The following ATP6V1E1 variants were observed in gnomAD, a reference collection of about 807,000 sequenced individuals.
ATP6V1E1 encodes V-type proton ATPase subunit E 1.
In ATP6V1E1, 21 loss-of-function variants were observed where a neutral mutation model predicts 35.2. The ratio of observed to expected loss-of-function variants is 0.60; its 90% CI spans 0.42 to 0.86. ATP6V1E1 has a LOEUF of 0.86. ATP6V1E1 is among the 40% of genes least tolerant of loss of function. The pLI, the probability that ATP6V1E1 is intolerant of heterozygous loss-of-function variation, is 0.00. For synonymous variants in ATP6V1E1, 83 were observed against 87.8 expected, an observed-to-expected ratio of 0.95 and a Z score of 0.30; for missense variants, 183 against 272.6, an observed-to-expected ratio of 0.67 and a Z score of 2.32.
At chr22:17,595,895 C>T (rs532307696) in intron 7 of ATP6V1E1, among the ~76,000 whole-genome samples, 145 of 152,054 alleles carry the variant, frequency 9.5e-4, no homozygotes, top group Middle Eastern at 6.8e-3. Context: ...CTTTGAGAGG[C>T]CGAGGTGGGC....
At position 17,594,636 on chromosome 22, in the gene ATP6V1E1, G is replaced by C; in HGVS notation, c.531-20C>G. On this transcript the variant is annotated intron_variant, in intron 7 of 8. Transcript: ENST00000253413. ...CCAGCTCTGCAAAAAAAAAAGCACA[G>C]GAAATAATCATTTTCAAAGACTTGA... 1 of 1,522,436 alleles carries C rather than the reference G, an allele frequency of 6.6e-7. No homozygotes were observed. Among genetic ancestry groups the C allele is most frequent in the Non-Finnish European group, 8.9e-7 (1 of 1,128,208 alleles). The allele number at this position is 1,522,436 out of a possible 1,614,324, so 94.3% of individuals were successfully genotyped here. A position where few individuals can be genotyped will look rare whatever the true frequency, so the allele number is the denominator to read the frequency against.
At chr22:17,627,081 C>G (rs569501804) in intron 1 of ATP6V1E1, among the ~76,000 whole-genome samples, 1 of 152,232 alleles carries the variant, frequency 6.6e-6, no homozygotes, top group Admixed American at 6.5e-5. Flanking sequence ...CCTCCGCCTG[C>G]CGGGTTCAAG....
At chr22:17,610,486 ATAT>A (rs1401378554) in intron 4 of ATP6V1E1, among the ~76,000 whole-genome samples, 1 of 150,848 alleles carries the variant, frequency 6.6e-6, no homozygotes, top group African/African-American at 2.5e-5. Context: ...TCCACTCTTA[ATAT>A]TATTAACCTT....
chr22:17,609,993 T>C (rs999540630), intron 4 of ATP6V1E1, among the ~76,000 whole-genome samples: 1 of 152,140 alleles, frequency 6.6e-6, no homozygotes, highest in African/African-American at 2.4e-5. Context: ...AGGCCAGGCA[T>C]GGTGGCTCTT....
chr22:17,620,154 T>G (rs893354180), intron 1 of ATP6V1E1, among the ~76,000 whole-genome samples: 14 of 151,220 alleles, frequency 9.3e-5, no homozygotes, highest in Non-Finnish European at 1.8e-4. Context: ...CCCTTTGTTT[T>G]TTTTTTTTTT....
At position 17,594,636 on chromosome 22, in the gene ATP6V1E1, G is replaced by A; in HGVS notation, c.531-20C>T. ...CCAGCTCTGCAAAAAAAAAAGCACA[G>A]GAAATAATCATTTTCAAAGACTTGA... On this transcript the variant is annotated intron_variant, in intron 7 of 8. Transcript: ENST00000253413. 2 of 1,522,436 alleles carry A rather than the reference G, an allele frequency of 1.3e-6. No homozygotes were observed. The highest frequency in any genetic ancestry group is 1.8e-6 in the Non-Finnish European group (2 of 1,128,208). The allele number at this position is 1,522,436 out of a possible 1,614,324, so 94.3% of individuals were successfully genotyped here.
intron 1 of ATP6V1E1, among the ~76,000 whole-genome samples, chr22:17,624,155 A>G (rs2057891964): frequency 6.6e-6 from 1 of 152,202 alleles, no homozygotes. Flanking sequence ...TGCTTCATCT[A>G]TTTACTTATG....
At chr22:17,620,670 C>G (rs2057871714) in intron 1 of ATP6V1E1, among the ~76,000 whole-genome samples, 1 of 152,152 alleles carries the variant, frequency 6.6e-6, no homozygotes, top group South Asian at 2.1e-4. Context: ...TCACTTTGAG[C>G]TCTCTCTCAG....
Position 17,592,595 on chromosome 22 carries a change from G to T in ATP6V1E1, c.*79C>A. The T allele has an allele frequency of 7.1e-7, 1 of 1,414,172 alleles. No homozygotes were observed. 87.6% of individuals were successfully genotyped at this position (1,414,172 alleles called of 1,614,324 possible). On this transcript the variant is annotated 3_prime_UTR_variant, in exon 9 of 9. Coordinates refer to ENST00000253413, the MANE Select transcript of ATP6V1E1 (RefSeq NM_001696.4). ...GGGGCAGTGAAGAGGAAGCTACAGA[G>T]ACATTCGTGTTTCTTCAAATATCAG...
chr22:17,621,393 T>G (rs995098884), intron 1 of ATP6V1E1, among the ~76,000 whole-genome samples: 4 of 152,162 alleles, frequency 2.6e-5, no homozygotes, highest in African/African-American at 9.7e-5. Flanking sequence ...CATTTTGACC[T>G]CCGCCTTCTA....
At chr22:17,615,723 C>T (rs1212906821) in intron 2 of ATP6V1E1, among the ~76,000 whole-genome samples, 1 of 151,942 alleles carries the variant, frequency 6.6e-6, no homozygotes, top group Admixed American at 6.6e-5. Flanking sequence ...CATGGTGAAA[C>T]CCCATCTCTA....
chr22:17,610,117 T>C (rs2057808166), intron 4 of ATP6V1E1, among the ~76,000 whole-genome samples: 1 of 134,282 alleles, frequency 7.4e-6, no homozygotes, highest in South Asian at 2.2e-4. Flanking sequence ...AGCCAGACCA[T>C]GCCTCTTAAA....
intron 2 of ATP6V1E1, among the ~76,000 whole-genome samples, chr22:17,616,045 A>G (rs148491327): frequency 0.096 from 14,198 of 148,056 alleles, 731 homozygotes; most frequent in Middle Eastern, 0.13. Flanking sequence ...AAACAAACAA[A>G]CAAACAAACA....
At chr22:17,622,198 T>A (rs2146317145) in intron 1 of ATP6V1E1, among the ~76,000 whole-genome samples, 2 of 152,318 alleles carry the variant, frequency 1.3e-5, no homozygotes, top group Middle Eastern at 3.4e-3. Context: ...ATTAATTCAT[T>A]TTGTTTATTA....
intron 4 of ATP6V1E1, among the ~76,000 whole-genome samples, chr22:17,606,444 C>T (rs2057787345): frequency 6.6e-6 from 1 of 152,054 alleles, no homozygotes; most frequent in African/African-American, 2.4e-5. Flanking sequence ...CTCTTATTTA[C>T]AGGGTTCAAT....
chr22:17,608,948 C>T (rs1168761522), intron 4 of ATP6V1E1, among the ~76,000 whole-genome samples: 1 of 151,750 alleles, frequency 6.6e-6, no homozygotes, highest in Admixed American at 6.6e-5. Flanking sequence ...TAGCCGGGCG[C>T]AGTGGCGGGC....
intron 4 of ATP6V1E1, among the ~76,000 whole-genome samples, chr22:17,605,693 C>CTCTTTTTT (rs754638458): frequency 9.6e-6 from 1 of 103,998 alleles, no homozygotes; most frequent in Non-Finnish European, 1.8e-5. Context: ...AGATGTTTCT[C>CTCTTTTTT]TTTTTTTTTT....
At chr22:17,626,727 GC>G (rs2057907882) in intron 1 of ATP6V1E1, among the ~76,000 whole-genome samples, 1 of 152,058 alleles carries the variant, frequency 6.6e-6, no homozygotes, top group African/African-American at 2.4e-5. Flanking sequence ...ACAGGGTTTT[GC>G]CACGTTGGCC....
chr22:17,615,313 A>T (rs2146310841), intron 2 of ATP6V1E1, among the ~76,000 whole-genome samples: 1 of 151,998 alleles, frequency 6.6e-6, no homozygotes, highest in African/African-American at 2.4e-5. Context: ...AAAAATATTA[A>T]TTTTTTTATA....
Sources: allele counts gnomAD v4.1 joint callset (sites outside exome capture counted in the v4.1 genomes callset), GRCh38; gene constraint gnomAD v4.1.1; transcripts MANE v1.5; gene names NCBI Gene and HGNC (gene_info 2026-07-23, HGNC 2026-07-21).